Variants in SPECC1L observed in about 807,000 individuals in gnomAD.
SPECC1L encodes cytospin-A.
Under a neutral mutation model 116.8 loss-of-function variants are expected in SPECC1L, and 40 were observed. The observed-to-expected ratio is 0.34, with a 90% confidence interval of 0.27 to 0.45. The LOEUF is 0.45. SPECC1L is among the 20% of genes least tolerant of loss of function. The pLI is 1.00. For synonymous variants in SPECC1L, 504 were observed against 500.6 expected (o/e 1.01, Z -0.09); for missense variants, 1,110 against 1,373.6 (o/e 0.81, Z 3.03).
chr22:24,358,979 T>C (rs2041588160), intron 11 of SPECC1L, among the ~76,000 whole-genome samples: 2 of 152,262 alleles, frequency 1.3e-5, no homozygotes, highest in Non-Finnish European at 2.9e-5. Flanking sequence ...TCTTGGACTT[T>C]GTCAGATGCT....
intron 11 of SPECC1L, among the ~76,000 whole-genome samples, chr22:24,362,900 A>C (rs2041673158): frequency 6.6e-6 from 1 of 152,200 alleles, no homozygotes; most frequent in Non-Finnish European, 1.5e-5. Flanking sequence ...CACTAACTGT[A>C]GGCACATGAA....
At chr22:24,394,012 A>C (rs188325446) in intron 14 of SPECC1L, among the ~76,000 whole-genome samples, 5 of 152,336 alleles carry the variant, frequency 3.3e-5, no homozygotes, top group Admixed American at 3.3e-4. Flanking sequence ...GTGTAACCGT[A>C]GCTCATTTCC....
chr22:24,300,154 GC>G (rs1316157106), intron 2 of SPECC1L, among the ~76,000 whole-genome samples: 1 of 152,040 alleles, frequency 6.6e-6, no homozygotes. Flanking sequence ...CCCACAACAG[GC>G]CCTGGTGTGT....
intron 3 of SPECC1L, among the ~76,000 whole-genome samples, chr22:24,304,860 A>G (rs886549271): frequency 3.9e-5 from 6 of 152,342 alleles, no homozygotes; most frequent in Admixed American, 3.9e-4. Flanking sequence ...TGCATGTGAA[A>G]CTTGGGCTTG....
chr22:24,412,718 G>A lies in SPECC1L; in HGVS notation c.3264+11G>A, dbSNP rs1282768977. On this transcript the variant is annotated intron_variant, in intron 16 of 16. Transcript: ENST00000314328. ...ATCAAATCCACACTGGTGAGCCCTT[G>A]TCCCCCTGAGTCACTGGCAGGGCCC... is the stretch of plus-strand genomic sequence containing the variant. 6.2e-7 allele frequency: 1 copy of A among 1,613,894 alleles called. No individual in the cohort carries two copies. The highest frequency in any genetic ancestry group is 8.5e-7 in the Non-Finnish European group (1 of 1,179,938).
At position 24,351,171 on chromosome 22, in the gene SPECC1L, C is replaced by T. The variant is rs140216653; in HGVS notation, c.2743+3995C>T. The stretch of plus-strand genomic sequence containing the variant: ...GGGGAAACCAGCACCAGTGGTGTGT[C>T]TCAAGCTTACCTGAGTCACTTGTTA... On this transcript the variant is annotated intron_variant, in intron 11 of 16. Transcript: ENST00000314328. 7.4e-3 allele frequency among the ~76,000 whole-genome samples: 1,126 copies of T among 152,296 alleles called. 6 individuals carry two copies. Among genetic ancestry groups the T allele is most frequent in the South Asian group, 0.013 (61 of 4,828 alleles).
At chr22:24,379,387 AAAG>A (rs2042022410) in intron 14 of SPECC1L, among the ~76,000 whole-genome samples, 1 of 151,340 alleles carries the variant, frequency 6.6e-6, no homozygotes, top group Non-Finnish European at 1.5e-5. Context: ...CTCCGAGAAA[AAAG>A]AAAAAAAAAA....
chr22:24,360,620 A>G (rs1023169752), intron 11 of SPECC1L, among the ~76,000 whole-genome samples: 2 of 152,130 alleles, frequency 1.3e-5, no homozygotes, highest in Non-Finnish European at 2.9e-5. Context: ...TAACTTAGAC[A>G]GTTTTCATGT....
chr22:24,313,732 G>A (rs1350319627), intron 4 of SPECC1L, among the ~76,000 whole-genome samples: 3 of 150,158 alleles, frequency 2.0e-5, no homozygotes, highest in African/African-American at 4.9e-5. Flanking sequence ...ATCTTGGAAA[G>A]AGAAGGATTC....
intron 13 of SPECC1L, among the ~76,000 whole-genome samples, chr22:24,366,472 T>G (rs956113937): frequency 6.6e-6 from 1 of 152,206 alleles, no homozygotes. Context: ...GGATTACAGG[T>G]GTGAGCCACC....
At chr22:24,284,228 T>C (rs567088796) in intron 2 of SPECC1L, among the ~76,000 whole-genome samples, 1 of 152,132 alleles carries the variant, frequency 6.6e-6, no homozygotes, top group African/African-American at 2.4e-5. Context: ...CCTTTACTGC[T>C]TTAAGTTTTT....
At chr22:24,315,299 T>C (rs2040538686) in intron 4 of SPECC1L, among the ~76,000 whole-genome samples, 1 of 152,254 alleles carries the variant, frequency 6.6e-6, no homozygotes, top group Non-Finnish European at 1.5e-5. Flanking sequence ...AAGTCCTTGC[T>C]TTCTGATTTA....
intron 9 of SPECC1L, among the ~76,000 whole-genome samples, chr22:24,335,365 T>C (rs921014260): frequency 1.3e-5 from 2 of 152,190 alleles, no homozygotes; most frequent in Non-Finnish European, 2.9e-5. Context: ...CCCTGCCTAC[T>C]CTTTGCCTCA....
intron 3 of SPECC1L, among the ~76,000 whole-genome samples, chr22:24,311,580 A>C (rs150171501): frequency 1.3e-3 from 203 of 152,268 alleles, no homozygotes; most frequent in African/African-American, 4.7e-3. Flanking sequence ...CAAGGTGGGC[A>C]GATCACTTGA....
chr22:24,381,680 C>G (rs539099359), intron 14 of SPECC1L, among the ~76,000 whole-genome samples: 4 of 151,964 alleles, frequency 2.6e-5, no homozygotes, highest in Admixed American at 1.3e-4. Context: ...ATCAGGAGAT[C>G]GAGACCATCC....
chr22:24,377,190 T>A (rs1002281401), intron 14 of SPECC1L, among the ~76,000 whole-genome samples: 5 of 152,232 alleles, frequency 3.3e-5, no homozygotes, highest in Non-Finnish European at 4.4e-5. Flanking sequence ...ACCTCATTCC[T>A]TTTTATGGCC....
chr22:24,381,123 G>A (rs542908477), intron 14 of SPECC1L, among the ~76,000 whole-genome samples: 29 of 152,244 alleles, frequency 1.9e-4, no homozygotes, highest in African/African-American at 7.0e-4. Flanking sequence ...TATACTTTCA[G>A]TAAACTTTTC....
chr22:24,298,469 A>G (rs187557885), intron 2 of SPECC1L, among the ~76,000 whole-genome samples: 203 of 152,288 alleles, frequency 1.3e-3, no homozygotes, highest in African/African-American at 4.6e-3. Context: ...CAAGATCCTT[A>G]TTAAAGGAAT....
At position 24,321,496 on chromosome 22, in the gene SPECC1L, C is replaced by T; in HGVS notation, c.516C>T (p.Asp172=). The change falls in exon 5 of 17, where the codon GAC becomes GAT. Residue 172 remains aspartate (D), a synonymous_variant. Transcript: ENST00000314328. ...CDVRMSKSKS[D]NQISDRAALE... ...TTCGTATGAGCAAGTCTAAGTCAGA[C>T]AATCAGATCAGTGACAGAGCTGCTT... The T allele has an allele frequency of 1.2e-6, 2 of 1,614,246 alleles. No individual in the cohort carries two copies. The highest frequency in any genetic ancestry group is 8.5e-7 in the Non-Finnish European group (1 of 1,180,044).
Sources: allele counts gnomAD v4.1 joint callset (sites outside exome capture counted in the v4.1 genomes callset), GRCh38; gene constraint gnomAD v4.1.1; transcripts MANE v1.5; gene names NCBI Gene and HGNC (gene_info 2026-07-23, HGNC 2026-07-21).